DRC5: variants seen among roughly 807,000 people sequenced by gnomAD.
DRC5 encodes T-complex-associated testis-expressed protein 1.
chr6:44,295,563 T>C, the DRC5 span, among the ~76,000 whole-genome samples: 1 of 152,126 alleles, frequency 6.6e-6, no homozygotes, highest in African/African-American at 2.4e-5. Flanking sequence ...GCACAGGTAA[T>C]AGAAAGTGAC....
At chr6:44,286,342 G>A in the DRC5 span, 832 of 1,613,908 alleles carry the variant, frequency 5.2e-4, 3 homozygotes, top group African/African-American at 8.7e-3. Context: ...GGTGCCGCTC[G>A]AAGAACATGC....
At chr6:44,289,929 A>C in the DRC5 span, among the ~76,000 whole-genome samples, 1 of 151,976 alleles carries the variant, frequency 6.6e-6, no homozygotes, top group Non-Finnish European at 1.5e-5. Flanking sequence ...GGGAGGGAAC[A>C]CTCTGAACCA....
the DRC5 span, chr6:44,280,119 C>G: frequency 7.0e-7 from 1 of 1,435,404 alleles, no homozygotes; most frequent in Non-Finnish European, 9.8e-7. Context: ...TACTCTGCAG[C>G]AGGCATGGCA....
the DRC5 span, among the ~76,000 whole-genome samples, chr6:44,296,972 C>T: frequency 1.3e-5 from 2 of 152,290 alleles, no homozygotes; most frequent in African/African-American, 4.8e-5. Context: ...GTGAAACCGC[C>T]AGTTCACTTA....
At chr6:44,288,508 CA>C in the DRC5 span, among the ~76,000 whole-genome samples, 1 of 151,998 alleles carries the variant, frequency 6.6e-6, no homozygotes, top group South Asian at 2.1e-4. Flanking sequence ...TGTATATTGC[CA>C]AAAGACACAG....
the DRC5 span, among the ~76,000 whole-genome samples, chr6:44,295,902 CTAA>C: frequency 2.0e-4 from 31 of 152,258 alleles, 3 homozygotes; most frequent in South Asian, 6.4e-3. Context: ...GATTAAGGAG[CTAA>C]TGTGTGTGAG....
the DRC5 span, chr6:44,281,984 C>T: frequency 2.3e-6 from 2 of 879,640 alleles, no homozygotes; most frequent in Non-Finnish European, 1.8e-6. Context: ...TTGGGATACA[C>T]AGTATGTGTG....
At chr6:44,280,334 A>G in the DRC5 span, 9 of 1,614,152 alleles carry the variant, frequency 5.6e-6, no homozygotes, top group Admixed American at 1.7e-5. Context: ...GGCGCAAGTC[A>G]AATTCCAGGA....
At chr6:44,284,461 T>C in the DRC5 span, among the ~76,000 whole-genome samples, 150,827 of 152,142 alleles carry the variant, frequency 0.99, 74,775 homozygotes, top group East Asian at 1. Context: ...TTCATGAAGA[T>C]GGCACACATT....
chr6:44,285,482 G>A, the DRC5 span, among the ~76,000 whole-genome samples: 6 of 152,158 alleles, frequency 3.9e-5, no homozygotes, highest in Admixed American at 2.6e-4. Flanking sequence ...CTTGAACTCC[G>A]AGGCTCAAGG....
the DRC5 span, chr6:44,286,026 G>T: frequency 8.1e-6 from 13 of 1,614,066 alleles, no homozygotes; most frequent in Non-Finnish European, 1.1e-5. Context: ...TAGGTGAAGA[G>T]GAAGAGATTC....
the DRC5 span, among the ~76,000 whole-genome samples, chr6:44,291,577 A>C: frequency 6.6e-6 from 1 of 152,204 alleles, no homozygotes; most frequent in African/African-American, 2.4e-5. Context: ...TTCTTTTTCC[A>C]AAAGTCTTCA....
At chr6:44,279,067 G>T in the DRC5 span, 1 of 152,322 alleles carries the variant, frequency 6.6e-6, no homozygotes, top group Non-Finnish European at 1.5e-5. Context: ...CCTGGACTGG[G>T]GTTGTAGCCC....
chr6:44,295,585 G>A, the DRC5 span, among the ~76,000 whole-genome samples: 1 of 152,330 alleles, frequency 6.6e-6, no homozygotes, highest in East Asian at 1.9e-4. Context: ...AGATGTTCCA[G>A]TTTGGCCAGG....
At chr6:44,291,176 A>ATAAG in the DRC5 span, among the ~76,000 whole-genome samples, 2 of 152,242 alleles carry the variant, frequency 1.3e-5, no homozygotes, top group African/African-American at 4.8e-5. Flanking sequence ...CATCCATACC[A>ATAAG]TAAGGCCTGA....
At chr6:44,292,644 G>A in the DRC5 span, among the ~76,000 whole-genome samples, 1 of 152,208 alleles carries the variant, frequency 6.6e-6, no homozygotes, top group African/African-American at 2.4e-5. Context: ...ATTGGTCAGG[G>A]CAACTTGTTG....
chr6:44,293,126 G>A, the DRC5 span, among the ~76,000 whole-genome samples: 57 of 152,106 alleles, frequency 3.7e-4, no homozygotes, highest in Non-Finnish European at 6.9e-4. Flanking sequence ...ATGGCCAAAG[G>A]CCCCCAGGTT....
chr6:44,280,039 A>C, the DRC5 span: 1 of 741,100 alleles, frequency 1.3e-6, no homozygotes, highest in Non-Finnish European at 2.2e-6. Flanking sequence ...TCATGTCTCC[A>C]TCCATACAAC....
chr6:44,294,476 G>A, the DRC5 span, among the ~76,000 whole-genome samples: 1 of 151,968 alleles, frequency 6.6e-6, no homozygotes, highest in Non-Finnish European at 1.5e-5. Flanking sequence ...GGGATATGGT[G>A]GCTCATGCCT....
Sources: allele counts gnomAD v4.1 joint callset (sites outside exome capture counted in the v4.1 genomes callset), GRCh38; gene constraint gnomAD v4.1.1; transcripts MANE v1.5; gene names NCBI Gene and HGNC (gene_info 2026-07-23, HGNC 2026-07-21).